ZSCAN5A: variants seen among roughly 807,000 people sequenced by gnomAD.
The protein encoded by ZSCAN5A is zinc finger and SCAN domain containing 5A.
Under a neutral mutation model 23.7 loss-of-function variants are expected in ZSCAN5A, and 12 were observed. That is an observed-to-expected ratio of 0.51 (90% confidence interval 0.32 to 0.82). ZSCAN5A has a LOEUF of 0.82. Ranked by LOEUF, ZSCAN5A falls within the 40% of genes least tolerant of loss-of-function variation. The pLI is 0.03. For missense variants in ZSCAN5A, 597 were observed against 617.9 expected, an observed-to-expected ratio of 0.97 and a Z score of 0.36; for synonymous variants, 257 against 239.9, an observed-to-expected ratio of 1.07 and a Z score of -0.66.
intron 2 of ZSCAN5A, among the ~76,000 whole-genome samples, chr19:56,339,375 C>T (rs1401969849): frequency 3.0e-5 from 4 of 132,838 alleles, no homozygotes; most frequent in Middle Eastern, 4.2e-3. Flanking sequence ...CGGCTGTAGC[C>T]GCATTTAGCA....
intron 1 of ZSCAN5A, among the ~76,000 whole-genome samples, chr19:56,366,427 A>G (rs1281995648): frequency 1.3e-5 from 2 of 150,918 alleles, no homozygotes; most frequent in African/African-American, 4.9e-5. Context: ...TGTCTCAAAA[A>G]AAAAAAAAAA....
chr19:56,256,785 C>T (rs192638097), intron 2 of ZSCAN5A, among the ~76,000 whole-genome samples: 3 of 151,904 alleles, frequency 2.0e-5, no homozygotes, highest in Non-Finnish European at 2.9e-5. Context: ...AGTCGTGTGA[C>T]GATTGTGTCC....
Position 56,342,537 on chromosome 19 carries a change from C to T in ZSCAN5A, c.-358+20698G>A, listed in dbSNP as rs2041601038. On this transcript the variant is annotated intron_variant, in intron 2 of 6. Transcript: ENST00000587340. ...ATCTATCTCCAGGAAGAATGGACCA[C>T]CCACTTTATCAGCCAAGGTGAATGC... 14 of 338,056 alleles carry T rather than the reference C, an allele frequency of 4.1e-5. No individual in the cohort carries two copies. The South Asian group carries it at 4.3e-4, about 10-fold the overall frequency. 20.9% of individuals were successfully genotyped at this position (338,056 alleles called of 1,614,324 possible).
At chr19:56,277,182 G>A (rs1173831666) in intron 2 of ZSCAN5A, among the ~76,000 whole-genome samples, 2 of 152,132 alleles carry the variant, frequency 1.3e-5, no homozygotes, top group Non-Finnish European at 2.9e-5. Context: ...TTCCGCTCTA[G>A]GTATGTGCCC....
At chr19:56,238,011 A>ATACG (rs2035102014) in intron 2 of ZSCAN5A, among the ~76,000 whole-genome samples, 1 of 28,062 alleles carries the variant, frequency 3.6e-5, no homozygotes, top group Admixed American at 3.9e-4. Flanking sequence ...ACATACACAC[A>ATACG]CACGTCAAAG....
intron 2 of ZSCAN5A, chr19:56,348,278 G>C (rs898687431): frequency 2.0e-5 from 3 of 152,186 alleles, no homozygotes; most frequent in African/African-American, 7.2e-5. Flanking sequence ...CCTCTCCCCA[G>C]AGCATGACCG....
At chr19:56,302,073 T>C in intron 2 of ZSCAN5A, 5 of 1,231,686 alleles carry the variant, frequency 4.1e-6, no homozygotes, top group Non-Finnish European at 5.1e-6. Flanking sequence ...TACCTCTTCG[T>C]ATCCTACAAC....
At chr19:56,326,305 T>TTTTG (rs2041433449) in intron 2 of ZSCAN5A, among the ~76,000 whole-genome samples, 1 of 145,536 alleles carries the variant, frequency 6.9e-6, no homozygotes, top group Non-Finnish European at 1.5e-5. Context: ...ACAGTTACCA[T>TTTTG]TGTGTGTGTG....
At chr19:56,250,282 C>G (rs1463155849) in intron 2 of ZSCAN5A, among the ~76,000 whole-genome samples, 1 of 152,112 alleles carries the variant, frequency 6.6e-6, no homozygotes, top group Non-Finnish European at 1.5e-5. Flanking sequence ...TCAAGAGATA[C>G]GAGTTTGAGT....
At chr19:56,261,489 C>A (rs571615319) in intron 2 of ZSCAN5A, among the ~76,000 whole-genome samples, 1 of 152,230 alleles carries the variant, frequency 6.6e-6, no homozygotes, top group South Asian at 2.1e-4. Flanking sequence ...ACCTAATTTT[C>A]TTTAGAGAGA....
intron 2 of ZSCAN5A, among the ~76,000 whole-genome samples, chr19:56,265,044 C>A (rs1285962545): frequency 2.0e-5 from 3 of 152,088 alleles, no homozygotes; most frequent in Non-Finnish European, 4.4e-5. Flanking sequence ...ACTGCTTGAA[C>A]CTGGGAGGCG....
chr19:56,300,507 C>T (rs370220118), intron 2 of ZSCAN5A, among the ~76,000 whole-genome samples: 1 of 152,336 alleles, frequency 6.6e-6, no homozygotes, highest in African/African-American at 2.4e-5. Context: ...CCCCTCCCAA[C>T]AAGAAGCTGG....
At chr19:56,310,642 A>G (rs574309696) in intron 2 of ZSCAN5A, among the ~76,000 whole-genome samples, 235 of 152,348 alleles carry the variant, frequency 1.5e-3, no homozygotes, top group Non-Finnish European at 2.8e-3. Flanking sequence ...AGTTGGACTC[A>G]TTCCAAAGTC....
intron 2 of ZSCAN5A, among the ~76,000 whole-genome samples, chr19:56,239,096 T>A (rs1014110431): frequency 6.6e-6 from 1 of 152,256 alleles, no homozygotes; most frequent in Non-Finnish European, 1.5e-5. Flanking sequence ...TCTTATATCA[T>A]CTTCCAAAGA....
intron 2 of ZSCAN5A, among the ~76,000 whole-genome samples, chr19:56,240,934 C>G (rs974652675): frequency 7.2e-5 from 11 of 152,280 alleles, no homozygotes; most frequent in African/African-American, 2.4e-4. Context: ...GTCTTGAACT[C>G]CTAGGCTCAA....
chr19:56,327,845 T>C (rs1367134003), intron 2 of ZSCAN5A, among the ~76,000 whole-genome samples: 1 of 152,120 alleles, frequency 6.6e-6, no homozygotes, highest in African/African-American at 2.4e-5. Flanking sequence ...TTGTGTGTTA[T>C]ATGTAGTATT....
At chr19:56,237,430 C>T (rs953508374) in intron 2 of ZSCAN5A, among the ~76,000 whole-genome samples, 2 of 152,066 alleles carry the variant, frequency 1.3e-5, no homozygotes, top group East Asian at 3.9e-4. Context: ...TTCTGTTGGA[C>T]GATTTTGCCC....
Position 56,222,025 on chromosome 19 carries a change from G to A in ZSCAN5A, c.1041C>T (p.Gly347=). 1 of 1,614,198 alleles carries A rather than the reference G, an allele frequency of 6.2e-7. No homozygotes were observed. Among genetic ancestry groups the A allele is most frequent in the East Asian group, 2.2e-5 (1 of 44,880 alleles). Residue 347 remains glycine (G), a synonymous_variant, in exon 6 of 6, where the codon GGC becomes GGT. Transcript: ENST00000683990. The part of the protein sequence containing the change: ...GPASPVSHPD[G]QEAKALPPFA... Reference sequence around the variant, plus strand: ...AGGGCGGCAGTGCCTTGGCTTCTTGGCCATCCGGGTGACTGACTGGGCTCG... The same window carrying A: ...AGGGCGGCAGTGCCTTGGCTTCTTGACCATCCGGGTGACTGACTGGGCTCG...
At chr19:56,291,219 T>C (rs1340455886) in intron 2 of ZSCAN5A, among the ~76,000 whole-genome samples, 1 of 152,166 alleles carries the variant, frequency 6.6e-6, no homozygotes, top group Non-Finnish European at 1.5e-5. Flanking sequence ...GAGGGGCACC[T>C]TGCTCCTTCC....
Sources: gnomAD v4.1 joint callset for allele counts (sites outside exome capture counted in the v4.1 genomes callset) on GRCh38, gnomAD v4.1.1 for gene constraint, MANE v1.5 for transcripts, NCBI Gene and HGNC (gene_info 2026-07-23, HGNC 2026-07-21) for gene names.